The following SLC43A3 variants were observed in gnomAD, a reference collection of about 807,000 sequenced individuals.
The protein encoded by SLC43A3 is equilibrative nucleobase transporter 1.
A neutral mutation model predicts 53.3 loss-of-function variants in SLC43A3; 33 were observed. That is an observed-to-expected ratio of 0.62 (90% CI 0.47 to 0.83). SLC43A3 has a LOEUF of 0.83. Among genes scored for constraint, SLC43A3 ranks in the 40% least tolerant of loss-of-function variants. The pLI is 0.00. For missense variants in SLC43A3, 530 were observed against 610.0 expected (o/e 0.87, Z 1.38); for synonymous variants, 236 against 246.2 (o/e 0.96, Z 0.39).
In SLC43A3 at chr11:57,407,720, G is replaced by T; in HGVS notation, c.*72C>A. On this transcript the variant is annotated 3_prime_UTR_variant, in exon 14 of 14. Transcript: ENST00000395124. ...TGCTGGGATAGGCAAAGTCTTTTGG[G>T]ACACGAGGTCCTCAAAGGTGGTGGA... 1.2e-6 allele frequency: 1 copy of T among 862,984 alleles called. No homozygotes were observed. The allele number at this position is 862,984 out of a possible 1,614,324, so 53.5% of individuals were successfully genotyped here.
At chr11:57,423,765 G>A in intron 5 of SLC43A3, 1 of 534,522 alleles carries the variant, frequency 1.9e-6, no homozygotes, top group South Asian at 2.6e-5. Flanking sequence ...ACTCTCTGAA[G>A]TAATCCCTCT....
chr11:57,415,119 G>C lies in SLC43A3; in HGVS notation c.770-13C>G, dbSNP rs1049326721. ...GCCCCTGGGGTCTCTAATGGGGAGA[G>C]GAGGATCTGGGCGTGAATTACGAGG... On this transcript the variant is annotated splice_polypyrimidine_tract_variant and intron_variant, in intron 9 of 13. Transcript: ENST00000395124. The C allele has an allele frequency of 1.3e-6, 2 of 1,598,898 alleles. No homozygotes were observed. Among genetic ancestry groups the C allele is most frequent in the African/African-American group, 2.7e-5 (2 of 74,622 alleles).
At position 57,425,869 on chromosome 11, in the gene SLC43A3, C is replaced by A. The variant is rs1005927739; in HGVS notation, c.184+120G>T. On this transcript the variant is annotated intron_variant, in intron 3 of 13. Coordinates refer to ENST00000395124, the MANE Select transcript of SLC43A3 (RefSeq NM_199329.3). ...CTTCCCAGATCAAGTGGGGTGAGAGCTGCTGACCCTTCCTCTCATCATAGA... is the reference window on the plus strand; with the variant it reads ...CTTCCCAGATCAAGTGGGGTGAGAGATGCTGACCCTTCCTCTCATCATAGA... 3.0e-6 allele frequency: 4 copies of A among 1,329,256 alleles called. No individual in the cohort carries two copies. The East Asian group carries it at 7.0e-5, about 23-fold the overall frequency. The allele number at this position is 1,329,256 out of a possible 1,614,324, so 82.3% of individuals were successfully genotyped here.
chr11:57,424,487 C>T (rs1405185472), intron 4 of SLC43A3, among the ~76,000 whole-genome samples: 1 of 152,146 alleles, frequency 6.6e-6, no homozygotes, highest in Non-Finnish European at 1.5e-5. Flanking sequence ...CTTCTCTGGG[C>T]CTCAGGAGCC....
chr11:57,409,013 T>G (rs975208432), intron 13 of SLC43A3, among the ~76,000 whole-genome samples, 162 bp downstream of exon 13: 2 of 152,188 alleles, frequency 1.3e-5, no homozygotes, highest in African/African-American at 4.8e-5. Flanking sequence ...AATGTCTGTT[T>G]CCCCACACAC....
At chr11:57,420,579 AC>A (rs1478572950) in intron 7 of SLC43A3, among the ~76,000 whole-genome samples, 2 of 152,280 alleles carry the variant, frequency 1.3e-5, no homozygotes, top group African/African-American at 4.8e-5. Flanking sequence ...CCCCTGCTGT[AC>A]CCACTAGCCA....
rs967176102 is a variant in SLC43A3, at chr11:57,424,129, C to A, written c.315-101G>T. 1.4e-5 allele frequency: 17 copies of A among 1,183,744 alleles called. No homozygotes were observed. The African/African-American group carries it at 2.3e-4, about 16-fold the overall frequency. 73.3% of individuals were successfully genotyped at this position (1,183,744 alleles called of 1,614,324 possible). A position where few individuals can be genotyped will look rare whatever the true frequency, so the allele number is the denominator to read the frequency against. Reference sequence around the variant, plus strand: ...GCCAGCCCACAAGTGTAGGACTTGACCGCACCCTCAGCCTGGGATGCAACG... The same window carrying A: ...GCCAGCCCACAAGTGTAGGACTTGAACGCACCCTCAGCCTGGGATGCAACG... On this transcript the variant is annotated intron_variant, in intron 4 of 13. Transcript: ENST00000395124.
chr11:57,418,345 A>C (rs1321083486), intron 7 of SLC43A3, among the ~76,000 whole-genome samples: 2 of 152,100 alleles, frequency 1.3e-5, no homozygotes, highest in East Asian at 3.8e-4. Context: ...AAATAAAAAA[A>C]AAAAAGGAAA....
intron 7 of SLC43A3, among the ~76,000 whole-genome samples, chr11:57,419,068 C>T (rs1208643890): frequency 3.3e-5 from 5 of 152,088 alleles, no homozygotes; most frequent in African/African-American, 2.4e-5. Flanking sequence ...CCCCCACCCA[C>T]CCCAAGACAC....
At chr11:57,425,885 T>C in intron 3 of SLC43A3, 104 bp downstream of exon 3, 1 of 1,375,652 alleles carries the variant, frequency 7.3e-7, no homozygotes, top group Admixed American at 1.9e-5. Flanking sequence ...ACCCTTCCTC[T>C]CATCATAGAA....
chr11:57,422,577 A>G lies in SLC43A3; in HGVS notation c.362-1204T>C, dbSNP rs1943037597. Among the ~76,000 whole-genome samples, 6 of 152,328 alleles carry G rather than the reference A, an allele frequency of 3.9e-5. No individual in the cohort carries two copies. The South Asian group carries it at 1.2e-3, about 32-fold the overall frequency. ...TTTTAGAGTATTCACACAGTTTACC[A>G]TTCAATTTCTGTCTTTATAAAATGT... On this transcript the variant is annotated intron_variant, in intron 5 of 13. Transcript: ENST00000395124.
rs372270130 is a variant in SLC43A3, at chr11:57,421,476, T to A, written c.362-103A>T. On this transcript the variant is annotated intron_variant, in intron 5 of 13. Coordinates refer to ENST00000395124, the MANE Select transcript of SLC43A3 (RefSeq NM_199329.3). ...CTCCAAATTCCCAACAATCCTGGTA[T>A]CCAGGCCCCAATTCTAGCCAGCGTT... The A allele has an allele frequency of 2.8e-5, 23 of 823,768 alleles. No individual in the cohort carries two copies. The East Asian group carries it at 4.0e-4, about 14-fold the overall frequency. 51.0% of individuals were successfully genotyped at this position (823,768 alleles called of 1,614,324 possible).
intron 9 of SLC43A3, 144 bp from the exon 10 acceptor site, chr11:57,415,250 C>T (rs112201561): frequency 5.4e-4 from 823 of 1,536,496 alleles, no homozygotes; most frequent in Non-Finnish European, 6.5e-4. Context: ...GTGCTCTGCA[C>T]CTGCCTCGGA....
chr11:57,418,221 G>C (rs1328182280), intron 7 of SLC43A3, among the ~76,000 whole-genome samples: 1 of 152,006 alleles, frequency 6.6e-6, no homozygotes, highest in African/African-American at 2.4e-5. Context: ...TGTAGTGCCA[G>C]CTACTCAGGA....
At chr11:57,423,918 C>T (rs1943094326) in intron 5 of SLC43A3, 64 bp downstream of exon 5, 1 of 1,488,072 alleles carries the variant, frequency 6.7e-7, no homozygotes, top group African/African-American at 1.4e-5. Flanking sequence ...CCTCTGCTCA[C>T]ACCTGCCCCA....
At chr11:57,424,138 C>T (rs925694027) in intron 4 of SLC43A3, 110 bp from the exon 5 acceptor site, 72 of 1,087,380 alleles carry the variant, frequency 6.6e-5, no homozygotes, top group Non-Finnish European at 1.1e-5. Context: ...ACCGCACCCT[C>T]AGCCTGGGAT....
chr11:57,424,215 A>C (rs753651697), intron 4 of SLC43A3, among the ~76,000 whole-genome samples, 187 bp from the exon 5 acceptor site: 10 of 152,226 alleles, frequency 6.6e-5, no homozygotes, highest in Non-Finnish European at 1.3e-4. Flanking sequence ...GATGAGATTG[A>C]GATGTGGTCC....
At chr11:57,422,832 G>A (rs779836431) in intron 5 of SLC43A3, among the ~76,000 whole-genome samples, 1 of 152,222 alleles carries the variant, frequency 6.6e-6, no homozygotes, top group Non-Finnish European at 1.5e-5. Context: ...GATAAGGAGA[G>A]TGGTTTGAAA....
chr11:57,417,692 A>G, intron 8 of SLC43A3, 56 bp downstream of exon 8: 1 of 1,606,052 alleles, frequency 6.2e-7, no homozygotes, highest in African/African-American at 1.3e-5. Flanking sequence ...TACCCTGTCC[A>G]TCCCACCCTA....
Sources: allele counts gnomAD v4.1 joint callset (sites outside exome capture counted in the v4.1 genomes callset), GRCh38; gene constraint gnomAD v4.1.1; transcripts MANE v1.5; gene names NCBI Gene and HGNC (gene_info 2026-07-23, HGNC 2026-07-21).